Variants in DELE1 observed in about 807,000 individuals in gnomAD.
The protein encoded by DELE1 is DAP3 binding cell death enhancer 1, also known as death ligand signal enhancer.
DELE1 carries 54 observed loss-of-function variants against 59.3 expected under a neutral mutation model. The observed-to-expected ratio is 0.91, with a 90% CI of 0.73 to 1.14. The LOEUF (loss-of-function observed/expected upper bound fraction) is 1.14. DELE1 is among the 50% of genes most tolerant of loss of function. The probability of loss-of-function intolerance (pLI) is 0.00; values close to 1 mark genes in which losing one functional copy is unlikely to be tolerated. For missense variants in DELE1, 636 were observed against 643.9 expected, an observed-to-expected ratio of 0.99 and a Z score of 0.13; for synonymous variants, 264 against 259.1, an observed-to-expected ratio of 1.02 and a Z score of -0.18.
chr5:141,929,842 A>T (rs1751754155), intron 5 of DELE1, 102 bp downstream of exon 5: 1 of 1,523,002 alleles, frequency 6.6e-7, no homozygotes, highest in East Asian at 2.3e-5. Context: ...CACTCCTGTG[A>T]GGTCCCATGC....
chr5:141,934,253 A>C lies in DELE1; in HGVS notation c.911A>C (p.Tyr304Ser). 6.2e-7 allele frequency: 1 copy of C among 1,609,216 alleles called. No homozygotes were observed. The highest frequency in any genetic ancestry group is 8.5e-7 in the Non-Finnish European group (1 of 1,176,464). Reference protein sequence around the residue: ...PRDISKAVLYYQLAASQGHSL... With the variant: ...PRDISKAVLYSQLAASQGHSL... ...CCTTTGCCCCAGGCGGTCCTTTATT[A>C]TCAGTTGGCTGCCAGCCAGGGCCAC... is the stretch of plus-strand genomic sequence containing the variant. Residue 304 changes from tyrosine to serine, a missense_variant, in exon 9 of 12, where the codon TAT (tyrosine) becomes TCT (serine). Physicochemically the swap from Tyr to Ser is moderately radical, Grantham distance 144 (BLOSUM62 -2). Transcript: ENST00000432126.
In DELE1 at chr5:141,930,259, G is replaced by A. The variant is rs351260; in HGVS notation, c.739G>A (p.Ala247Thr). The A allele has an allele frequency of 0.3, 491,131 of 1,611,060 alleles. 79,822 individuals are homozygous for A. The highest frequency in any genetic ancestry group is 0.34 in the Non-Finnish European group (398,614 of 1,177,268). Reference sequence around the variant, plus strand: ...GCTCTTCCAGCTCAGTGTTTCCATCGCTTTCAACTTCCTGGGTAACCAAAT... The same window carrying A: ...GCTCTTCCAGCTCAGTGTTTCCATCACTTTCAACTTCCTGGGTAACCAAAT... ...QQLFQLSVSIAFNFLGTENMK... is the reference protein window; with the variant it reads ...QQLFQLSVSITFNFLGTENMK... Residue 247 changes from alanine to threonine, a missense_variant, in exon 7 of 12, where the codon GCT (alanine) becomes ACT (threonine). Transcript: ENST00000432126.
rs898139728 is a variant in DELE1 at position 141,941,692 on chromosome 5, G to T, written c.*2933G>T. 1.0e-6 allele frequency: 1 copy of T among 985,376 alleles called. No individual in the cohort carries two copies. The highest frequency in any genetic ancestry group is 1.7e-5 in the African/African-American group (1 of 57,334). 61.0% of individuals were successfully genotyped at this position (985,376 alleles called of 1,614,324 possible). On this transcript the variant is annotated 3_prime_UTR_variant, in exon 12 of 12. Transcript: ENST00000432126. Reference sequence around the variant, plus strand: ...TACTGCCTCAGTTTCCCTATCCGGAGATGCTGTTTTCAGGGAGTCCTGACA... The same window carrying T: ...TACTGCCTCAGTTTCCCTATCCGGATATGCTGTTTTCAGGGAGTCCTGACA...
At chr5:141,928,391 A>G (rs1352103470) in intron 4 of DELE1, 93 bp downstream of exon 4, 4 of 1,417,222 alleles carry the variant, frequency 2.8e-6, no homozygotes, top group African/African-American at 2.9e-5. Context: ...AAGAGCCATC[A>G]GCAGCTCCTT....
chr5:141,937,108 C>T (rs529929550), intron 10 of DELE1, 90 bp from the exon 11 acceptor site: 1 of 1,575,118 alleles, frequency 6.3e-7, no homozygotes, highest in South Asian at 1.2e-5. Context: ...GAAGTCCCAG[C>T]ATGCCTGACT....
intron 1 of DELE1, 79 bp downstream of exon 1, chr5:141,924,051 C>T (rs1751156243): frequency 2.6e-6 from 4 of 1,543,600 alleles, no homozygotes; most frequent in Admixed American, 3.8e-5. Flanking sequence ...GAGGAAACAG[C>T]CGAAGCGATC....
rs1752631599 is a variant in DELE1 at position 141,939,829 on chromosome 5, A to C, written c.*1070A>C. The C allele has an allele frequency of 1.7e-6, 1 of 594,622 alleles. No individual in the cohort carries two copies. Among genetic ancestry groups the C allele is most frequent in the African/African-American group, 2.0e-5 (1 of 49,188 alleles). 36.8% of individuals were successfully genotyped at this position (594,622 alleles called of 1,614,324 possible). On this transcript the variant is annotated 3_prime_UTR_variant, in exon 12 of 12. Transcript: ENST00000432126. ...GTCTGCCCTCCTACCTTAGAAGACA[A>C]ATGCAAGGGCATTTCACCACAGAGA...
In DELE1 at chr5:141,929,986, C is replaced by A. The variant is rs762408279; in HGVS notation, c.572-3C>A. ...TGGCCGGGTGTCGGCCTTTCCCTTGCAGGTCCCGGTGATTTTGGCTTCCTG... is the reference window on the plus strand; with the variant it reads ...TGGCCGGGTGTCGGCCTTTCCCTTGAAGGTCCCGGTGATTTTGGCTTCCTG... On this transcript the variant is annotated splice_region_variant and splice_polypyrimidine_tract_variant and intron_variant, in intron 5 of 11. Transcript: ENST00000432126. 20 of 1,613,850 alleles carry A rather than the reference C, an allele frequency of 1.2e-5. No individual in the cohort carries two copies. In the South Asian group the frequency reaches 2.2e-4, roughly 18 times the overall value.
rs1752747602 is a variant in DELE1, at chr5:141,941,710, T to TC, written c.*2953dup. On this transcript the variant is annotated 3_prime_UTR_variant, in exon 12 of 12. Coordinates refer to ENST00000432126, the MANE Select transcript of DELE1 (RefSeq NM_014773.5). ...ATCCGGAGATGCTGTTTTCAGGGAGTCCTGACACTATGATGGGAACAAGGC... is the reference window on the plus strand; with the variant it reads ...ATCCGGAGATGCTGTTTTCAGGGAGTCCCTGACACTATGATGGGAACAAGGC... The TC allele has an allele frequency of 2.0e-6, 2 of 985,034 alleles. No homozygotes were observed. The highest frequency in any genetic ancestry group is 3.5e-5 in the African/African-American group (2 of 57,114). 61.0% of individuals were successfully genotyped at this position (985,034 alleles called of 1,614,324 possible). A position where few individuals can be genotyped will look rare whatever the true frequency, so the allele number is the denominator to read the frequency against.
Position 141,938,731 on chromosome 5 carries a change from G to C in DELE1, c.1520G>C (p.Arg507Thr), listed in dbSNP as rs2126902453. 3 of 1,613,804 alleles carry C rather than the reference G, an allele frequency of 1.9e-6. No homozygotes were observed. The Middle Eastern group carries it at 5.0e-4, about 267-fold the overall frequency. Reference protein sequence around the residue: ...AIPPHPYPLERSVVRLGFG With the variant: ...AIPPHPYPLETSVVRLGFG ...CCCCCACACCCCTACCCACTGGAAA[G>C]GAGTGTTGTAAGACTAGGTTTTGGC... The change falls in exon 12 of 12, where the codon AGG (arginine) becomes ACG (threonine). Residue 507 changes from arginine (R) to threonine (T), a missense_variant. By Grantham distance (71) the Arg-to-Thr change is moderately conservative. Coordinates refer to ENST00000432126, the MANE Select transcript of DELE1 (RefSeq NM_014773.5).
intron 11 of DELE1, among the ~76,000 whole-genome samples, chr5:141,938,284 C>T (rs1213512666): frequency 6.6e-6 from 1 of 152,170 alleles, no homozygotes; most frequent in Non-Finnish European, 1.5e-5. Context: ...CACAGCCTGA[C>T]AGCACAGTAG....
Position 141,940,765 on chromosome 5 carries a change from G to A in DELE1, c.*2006G>A. On this transcript the variant is annotated 3_prime_UTR_variant, in exon 12 of 12. Coordinates refer to ENST00000432126, the MANE Select transcript of DELE1 (RefSeq NM_014773.5). ...GCAGGGTCCTTGTCTTTGTATTCCA[G>A]TGTCCCCAGCACTGAGTGCAAGGCC... The A allele has an allele frequency of 3.1e-6, 3 of 980,298 alleles. No homozygotes were observed. The highest frequency in any genetic ancestry group is 3.6e-6 in the Non-Finnish European group (3 of 825,304). The allele number at this position is 980,298 out of a possible 1,614,324, so 60.7% of individuals were successfully genotyped here.
In DELE1 at chr5:141,939,818, CT is replaced by C; in HGVS notation, c.*1061del. The C allele has an allele frequency of 1.6e-6, 1 of 637,668 alleles. No homozygotes were observed. Among genetic ancestry groups the C allele is most frequent in the Non-Finnish European group, 2.0e-6 (1 of 512,496 alleles). 39.5% of individuals were successfully genotyped at this position (637,668 alleles called of 1,614,324 possible). On this transcript the variant is annotated 3_prime_UTR_variant, in exon 12 of 12. Transcript: ENST00000432126. ...AAGGCAATGGTGTCTGCCCTCCTAC[CT>C]TAGAAGACAAATGCAAGGGCATTTC...
At chr5:141,935,742 G>A (rs1596616846) in intron 10 of DELE1, among the ~76,000 whole-genome samples, 1 of 152,348 alleles carries the variant, frequency 6.6e-6, no homozygotes, top group East Asian at 1.9e-4. Flanking sequence ...GGGCATGCTG[G>A]CCTGCTTTAA....
rs564569681 is a variant in DELE1, at chr5:141,925,816, A to G, written c.264+289A>G. 3.1e-3 allele frequency among the ~76,000 whole-genome samples: 474 copies of G among 152,160 alleles called. 1 individual carries two copies. The highest frequency in any genetic ancestry group is 5.3e-3 in the Non-Finnish European group (360 of 67,988). On this transcript the variant is annotated intron_variant, in intron 3 of 11. Transcript: ENST00000432126. ...ACAAGATAGATACATTCTTGCCTTC[A>G]TGGATCTTACAATAAATAATAATAC...
chr5:141,936,175 G>A (rs1009922208), intron 10 of DELE1, among the ~76,000 whole-genome samples: 3 of 152,138 alleles, frequency 2.0e-5, no homozygotes, highest in Non-Finnish European at 4.4e-5. Context: ...TTTAATCCTT[G>A]CAACAACCTA....
chr5:141,928,234 A>T lies in DELE1; in HGVS notation c.348A>T (p.Glu116Asp). The T allele has an allele frequency of 1.2e-6, 2 of 1,614,208 alleles. No individual in the cohort carries two copies. ...TGCCAGCAGGACCTCAGCGGGTAGA[A>T]CACTGCTCCTGGCACAGTCCCCTGG... The part of the protein sequence containing the change: ...ASLPAGPQRV[E>D]HCSWHSPLDR... Residue 116 changes from glutamate to aspartate, a missense_variant, in exon 4 of 12, where the codon GAA becomes GAT. Glu to Asp is a conservative substitution (Grantham distance 45). Coordinates refer to ENST00000432126, the MANE Select transcript of DELE1 (RefSeq NM_014773.5).
chr5:141,938,193 C>A (rs548008470), intron 11 of DELE1, among the ~76,000 whole-genome samples: 3 of 152,200 alleles, frequency 2.0e-5, no homozygotes, highest in Admixed American at 6.5e-5. Flanking sequence ...AGTTTCTTCA[C>A]CTCTGAAAAT....
chr5:141,929,979 T>G lies in DELE1; in HGVS notation c.572-10T>G. The G allele has an allele frequency of 1.2e-6, 2 of 1,613,662 alleles. No homozygotes were observed. Among genetic ancestry groups the G allele is most frequent in the South Asian group, 2.2e-5 (2 of 91,054 alleles). On this transcript the variant is annotated splice_polypyrimidine_tract_variant and intron_variant, in intron 5 of 11. Coordinates refer to ENST00000432126, the MANE Select transcript of DELE1 (RefSeq NM_014773.5). ...TTTGCCCTGGCCGGGTGTCGGCCTTTCCCTTGCAGGTCCCGGTGATTTTGG... is the reference window on the plus strand; with the variant it reads ...TTTGCCCTGGCCGGGTGTCGGCCTTGCCCTTGCAGGTCCCGGTGATTTTGG...
Sources: allele counts gnomAD v4.1 joint callset (sites outside exome capture counted in the v4.1 genomes callset), GRCh38; gene constraint gnomAD v4.1.1; transcripts MANE v1.5; gene names NCBI Gene and HGNC (gene_info 2026-07-23, HGNC 2026-07-21).